PLCG2: variants seen among roughly 807,000 people sequenced by gnomAD.
PLCG2 encodes the protein phospholipase C gamma 2, also known as 1-phosphatidylinositol 4,5-bisphosphate phosphodiesterase gamma-2.
Under a neutral mutation model 175.6 loss-of-function variants are expected in PLCG2, and 69 were observed. The ratio of observed to expected loss-of-function variants is 0.39; its 90% CI spans 0.32 to 0.48. The LOEUF (loss-of-function observed/expected upper bound fraction) is 0.48, where lower values mean the gene tolerates loss of function less well. PLCG2 is among the 20% of genes least tolerant of loss of function. The pLI is 0.91. For synonymous variants in PLCG2, 827 were observed against 624.0 expected (o/e 1.33, Z -4.85); for missense variants, 1,798 against 1,650.9 (o/e 1.09, Z -1.54).
chr16:81,889,059 A>G (rs1011675117), intron 9 of PLCG2, 113 bp from the exon 10 acceptor site: 1 of 641,314 alleles, frequency 1.6e-6, no homozygotes, highest in Non-Finnish European at 2.8e-6. Context: ...TTGCAAGTGA[A>G]TTCGGAATTG....
intron 1 of PLCG2, among the ~76,000 whole-genome samples, chr16:81,783,309 T>C (rs1372203444): frequency 6.6e-6 from 1 of 152,202 alleles, no homozygotes; most frequent in Non-Finnish European, 1.5e-5. Context: ...AATTTTATTA[T>C]TATATTATTA....
chr16:81,946,236 G>C lies in PLCG2; in HGVS notation c.3543G>C (p.Leu1181=). 6.2e-7 allele frequency: 1 copy of C among 1,613,858 alleles called. No individual in the cohort carries two copies. Among genetic ancestry groups the C allele is most frequent in the Non-Finnish European group, 8.5e-7 (1 of 1,179,782 alleles). The stretch of plus-strand genomic sequence containing the variant: ...AGGACATAGAGCTGGCTTCCCTCCT[G>C]GTTTTCTGTGAGATGCGGCCAGTCC... ...YSEDIELASL[L]VFCEMRPVLE... Residue 1181 remains leucine (L), a synonymous_variant, in exon 31 of 33, where the codon CTG becomes CTC. Coordinates refer to ENST00000564138, the MANE Select transcript of PLCG2 (RefSeq NM_002661.5).
chr16:81,881,004 C>T (rs1219738950), intron 8 of PLCG2, 51 bp downstream of exon 8: 3 of 1,577,856 alleles, frequency 1.9e-6, no homozygotes, highest in Non-Finnish European at 2.6e-6. Flanking sequence ...GACCTCGGTG[C>T]CTGGTGCCCA....
chr16:81,904,994 C>T (rs7500567), intron 14 of PLCG2, among the ~76,000 whole-genome samples: 10,568 of 152,238 alleles, frequency 0.069, 1,200 homozygotes, highest in African/African-American at 0.24. Flanking sequence ...TTCAAGCAAT[C>T]TTACTGTCTC....
In PLCG2 at chr16:81,849,152, C is replaced by T. The variant is rs542915801; in HGVS notation, c.194-5292C>T. Among the ~76,000 whole-genome samples, 108 of 152,176 alleles carry T rather than the reference C, an allele frequency of 7.1e-4. No homozygotes were observed. The Middle Eastern group carries it at 0.01, about 14-fold the overall frequency. On this transcript the variant is annotated intron_variant, in intron 2 of 32. Transcript: ENST00000564138. ...GTTCTTAGTCCTTACAGCAATGGGA[C>T]GTCACGGGAAGGCTTGATCCCAAGG... is the stretch of plus-strand genomic sequence containing the variant.
At chr16:81,821,337 C>T (rs985204040) in intron 2 of PLCG2, among the ~76,000 whole-genome samples, 3 of 152,202 alleles carry the variant, frequency 2.0e-5, no homozygotes, top group Non-Finnish European at 2.9e-5. Flanking sequence ...ACAAACCACC[C>T]CAAGGCATAG....
At chr16:81,760,446 A>G (rs552945558) in intron 2 of PLCG2, among the ~76,000 whole-genome samples, 2 of 152,300 alleles carry the variant, frequency 1.3e-5, no homozygotes, top group Admixed American at 1.3e-4. Flanking sequence ...TGATGCTGGT[A>G]CGTCTGACTA....
At chr16:81,790,509 G>A (rs1396130901) in intron 2 of PLCG2, among the ~76,000 whole-genome samples, 1 of 152,212 alleles carries the variant, frequency 6.6e-6, no homozygotes, top group Non-Finnish European at 1.5e-5. Context: ...CTGCTGAGAA[G>A]GGTGACGTTT....
At position 81,800,796 on chromosome 16, in the gene PLCG2, T is replaced by C. The variant is rs775804930; in HGVS notation, c.193+14614T>C. Among the ~76,000 whole-genome samples, 3 of 152,078 alleles carry C rather than the reference T, an allele frequency of 2.0e-5. No individual in the cohort carries two copies. The South Asian group carries it at 6.2e-4, about 32-fold the overall frequency. On this transcript the variant is annotated intron_variant, in intron 2 of 32. Transcript: ENST00000564138. ...GAATATATTACTCTATACGGCAAAA[T>C]GCTCCTTGCAGATTGAACAGATCTT...
chr16:81,798,904 C>A (rs904622402), intron 2 of PLCG2: 2 of 152,346 alleles, frequency 1.3e-5, no homozygotes, highest in Non-Finnish European at 2.9e-5. Context: ...AGGTGTCTCT[C>A]TCCCCAGCAC....
intron 29 of PLCG2, 25 bp from the exon 30 acceptor site, chr16:81,939,867 C>T (rs764876634): frequency 3.2e-6 from 5 of 1,580,332 alleles, no homozygotes; most frequent in Non-Finnish European, 8.7e-7. Flanking sequence ...AATGTGGCCT[C>T]TCATGAGCTT....
intron 31 of PLCG2, among the ~76,000 whole-genome samples, chr16:81,949,467 A>G (rs1355824840): frequency 2.0e-5 from 3 of 152,190 alleles, no homozygotes; most frequent in Non-Finnish European, 2.9e-5. Context: ...AGACTCCCAA[A>G]GTGGGTAGAA....
intron 1 of PLCG2, among the ~76,000 whole-genome samples, chr16:81,781,869 C>CTG (rs1910748129): frequency 4.9e-5 from 1 of 20,400 alleles, no homozygotes; most frequent in African/African-American, 2.2e-4. Flanking sequence ...GTCCTTTCCC[C>CTG]CCCCCCCCCC....
At chr16:81,839,563 T>C (rs914451218) in intron 2 of PLCG2, among the ~76,000 whole-genome samples, 1 of 152,226 alleles carries the variant, frequency 6.6e-6, no homozygotes, top group African/African-American at 2.4e-5. Context: ...CTTATTTTAA[T>C]ATTGATTCAC....
intron 31 of PLCG2, among the ~76,000 whole-genome samples, chr16:81,951,221 C>A (rs1288228059): frequency 6.6e-6 from 1 of 152,176 alleles, no homozygotes; most frequent in Non-Finnish European, 1.5e-5. Flanking sequence ...GCCTTAGCCT[C>A]CCCAAGTGCT....
In PLCG2 at chr16:81,853,969, A is replaced by G. The variant is rs144470715; in HGVS notation, c.194-475A>G. Among the ~76,000 whole-genome samples the G allele has an allele frequency of 1.1e-4, 17 of 152,188 alleles. No homozygotes were observed. The East Asian group carries it at 3.1e-3, about 28-fold the overall frequency. On this transcript the variant is annotated intron_variant, in intron 2 of 32. Coordinates refer to ENST00000564138, the MANE Select transcript of PLCG2 (RefSeq NM_002661.5). ...TGCCTTCATTTCCTCTTCCCCCTTT[A>G]ATTGAGCCACAGAGCATTTGTAGCT...
intron 1 of PLCG2, among the ~76,000 whole-genome samples, chr16:81,745,915 G>A (rs1315266775): frequency 1.3e-5 from 2 of 152,184 alleles, no homozygotes; most frequent in South Asian, 2.1e-4. Context: ...GTCATACAGC[G>A]AACGACCTGA....
At chr16:81,818,552 G>A (rs1334895114) in intron 2 of PLCG2, among the ~76,000 whole-genome samples, 1 of 152,042 alleles carries the variant, frequency 6.6e-6, no homozygotes, top group Non-Finnish European at 1.5e-5. Flanking sequence ...AGCTCCGAAG[G>A]CCTGAGCTTC....
At chr16:81,908,665 T>A in intron 17 of PLCG2, 74 bp downstream of exon 17, 1 of 1,351,730 alleles carries the variant, frequency 7.4e-7, no homozygotes, top group Non-Finnish European at 1.0e-6. Context: ...CGAGTGGTTC[T>A]AGCTCAGGCA....
Sources: allele counts gnomAD v4.1 joint callset (sites outside exome capture counted in the v4.1 genomes callset), GRCh38; gene constraint gnomAD v4.1.1; transcripts MANE v1.5; gene names NCBI Gene and HGNC (gene_info 2026-07-23, HGNC 2026-07-21).